CCDC141: variants seen among roughly 807,000 people sequenced by gnomAD.
The protein encoded by CCDC141 is coiled-coil domain-containing protein 141.
CCDC141 carries 168 observed loss-of-function variants against 181.0 expected under a neutral mutation model. The ratio of observed to expected loss-of-function variants is 0.93; its 90% CI spans 0.82 to 1.05. The LOEUF is 1.05. CCDC141 is among the 50% of genes least tolerant of loss of function. The pLI is 0.00. For synonymous variants in CCDC141, 666 were observed against 642.3 expected (o/e 1.04, Z -0.56); for missense variants, 1,902 against 1,788.5 (o/e 1.06, Z -1.14).
intron 21 of CCDC141, among the ~76,000 whole-genome samples, chr2:178,848,714 G>A (rs903169504): frequency 6.6e-6 from 1 of 152,146 alleles, no homozygotes; most frequent in African/African-American, 2.4e-5. Flanking sequence ...AAGAGTCGGA[G>A]GAAGCACTGA....
intron 22 of CCDC141, among the ~76,000 whole-genome samples, chr2:178,844,097 T>A (rs1481557794): frequency 1.3e-5 from 2 of 152,236 alleles, no homozygotes; most frequent in Non-Finnish European, 2.9e-5. Context: ...AAAAACTACT[T>A]TTACTAAGTA....
chr2:179,042,862 G>T (rs1320329225), intron 2 of CCDC141, among the ~76,000 whole-genome samples: 1 of 151,978 alleles, frequency 6.6e-6, no homozygotes, highest in Non-Finnish European at 1.5e-5. Flanking sequence ...AAATAACCAA[G>T]ATCAGAGCTG....
intron 22 of CCDC141, among the ~76,000 whole-genome samples, chr2:178,841,023 A>T (rs1231460557): frequency 2.0e-5 from 3 of 152,134 alleles, no homozygotes; most frequent in Non-Finnish European, 2.9e-5. Context: ...GACTTATATG[A>T]TATGTTTTTA....
chr2:179,042,471 C>T (rs2043338291), intron 2 of CCDC141, among the ~76,000 whole-genome samples: 1 of 152,128 alleles, frequency 6.6e-6, no homozygotes, highest in Non-Finnish European at 1.5e-5. Flanking sequence ...CCTCAGCTTC[C>T]CAAGTAGCTG....
At chr2:178,906,281 G>C (rs1225617891) in intron 7 of CCDC141, among the ~76,000 whole-genome samples, 1 of 152,178 alleles carries the variant, frequency 6.6e-6, no homozygotes, top group Non-Finnish European at 1.5e-5. Flanking sequence ...ATAAAATAGA[G>C]AGGAGTTAGC....
intron 2 of CCDC141, among the ~76,000 whole-genome samples, chr2:179,037,933 C>A (rs894593336): frequency 3.3e-5 from 5 of 152,236 alleles, no homozygotes; most frequent in South Asian, 2.1e-4. Context: ...GCAGTTGCTG[C>A]GGAAAATATT....
intron 1 of CCDC141, 143 bp downstream of exon 1, chr2:179,049,697 C>T: frequency 1.3e-6 from 1 of 744,172 alleles, no homozygotes; most frequent in Non-Finnish European, 2.1e-6. Context: ...CTCTTAGTAG[C>T]CCATTTTAGA....
chr2:178,917,549 G>T (rs1023210303), intron 7 of CCDC141, among the ~76,000 whole-genome samples: 1 of 152,034 alleles, frequency 6.6e-6, no homozygotes, highest in African/African-American at 2.4e-5. Flanking sequence ...TAGGTTCCAG[G>T]GTTTCCTCAT....
intron 8 of CCDC141, among the ~76,000 whole-genome samples, chr2:178,893,825 A>ACACACG (rs1553479624): frequency 5.8e-5 from 6 of 104,236 alleles, no homozygotes; most frequent in Admixed American, 1.0e-4. Context: ...ACACACACGC[A>ACACACG]CACACACACA....
At chr2:178,885,266 T>TC (rs2154370565) in intron 10 of CCDC141, among the ~76,000 whole-genome samples, 174 bp from the exon 11 acceptor site, 1 of 151,352 alleles carries the variant, frequency 6.6e-6, no homozygotes, top group Admixed American at 6.6e-5. Flanking sequence ...AAAGGGCACT[T>TC]TAGAATGAAA....
chr2:178,944,528 C>A lies in CCDC141; in HGVS notation c.897+7G>T, dbSNP rs1369429976. On this transcript the variant is annotated splice_region_variant and intron_variant, in intron 6 of 23. Transcript: ENST00000443758. ...ATTATTTTTAGTGTGTCTAATATAT[C>A]TCTTACCTTTGCTTTTATTATCAGT... 7.2e-7 allele frequency: 1 copy of A among 1,383,418 alleles called. No individual in the cohort carries two copies. Among genetic ancestry groups the A allele is most frequent in the East Asian group, 2.5e-5 (1 of 39,308 alleles). The allele number at this position is 1,383,418 out of a possible 1,614,324, so 85.7% of individuals were successfully genotyped here. A position where few individuals can be genotyped will look rare whatever the true frequency, so the allele number is the denominator to read the frequency against.
chr2:178,843,255 G>A (rs1386054427), intron 22 of CCDC141, among the ~76,000 whole-genome samples: 6 of 152,148 alleles, frequency 3.9e-5, no homozygotes, highest in Admixed American at 3.9e-4. Context: ...ACTACTTTCT[G>A]TAATTTTTGG....
Position 178,855,371 on chromosome 2 carries a change from C to G in CCDC141, c.3036G>C (p.Glu1012Asp). 1 of 1,611,108 alleles carries G rather than the reference C, an allele frequency of 6.2e-7. No individual in the cohort carries two copies. The highest frequency in any genetic ancestry group is 8.5e-7 in the Non-Finnish European group (1 of 1,179,118). ...TDYKKNLDLTEHFQEVIEECH... is the reference protein window; with the variant it reads ...TDYKKNLDLTDHFQEVIEECH... Reference sequence around the variant, plus strand: ...CCTCTTCTATCACCTCCTGGAAATGCTCAGTCAGGTCCAAATTCTTCTTGT... The same window carrying G: ...CCTCTTCTATCACCTCCTGGAAATGGTCAGTCAGGTCCAAATTCTTCTTGT... The change falls in exon 19 of 24, where the codon GAG (glutamate) becomes GAC (aspartate). Residue 1012 changes from glutamate to aspartate, a missense_variant. By Grantham distance (45) the Glu-to-Asp change is conservative (BLOSUM62 2). Transcript: ENST00000443758.
At chr2:178,987,475 C>A (rs112218715) in intron 2 of CCDC141, among the ~76,000 whole-genome samples, 2 of 152,114 alleles carry the variant, frequency 1.3e-5, no homozygotes, top group South Asian at 2.1e-4. Context: ...AATGGGAACT[C>A]ATTAAACTAA....
At chr2:178,934,822 T>C (rs1689224118) in intron 6 of CCDC141, among the ~76,000 whole-genome samples, 1 of 152,230 alleles carries the variant, frequency 6.6e-6, no homozygotes, top group Non-Finnish European at 1.5e-5. Context: ...ACATTATTTA[T>C]AGGAGCTTCA....
intron 10 of CCDC141, 39 bp downstream of exon 10, chr2:178,886,713 C>A: frequency 7.9e-7 from 1 of 1,269,616 alleles, no homozygotes; most frequent in East Asian, 2.7e-5. Flanking sequence ...ATTATCTTTA[C>A]AAAATTATAG....
intron 12 of CCDC141, chr2:178,877,094 A>G (rs1014371414): frequency 6.6e-6 from 1 of 152,176 alleles, no homozygotes; most frequent in Non-Finnish European, 1.5e-5. Context: ...CATTTAATGA[A>G]TGATCTTGAC....
chr2:178,986,068 A>G (rs1277438362), intron 2 of CCDC141, among the ~76,000 whole-genome samples: 3 of 152,210 alleles, frequency 2.0e-5, no homozygotes, highest in Non-Finnish European at 4.4e-5. Flanking sequence ...AAAATCCTCA[A>G]TAAAATACTG....
intron 2 of CCDC141, among the ~76,000 whole-genome samples, chr2:179,039,241 C>G (rs1052105441): frequency 6.6e-6 from 1 of 152,124 alleles, no homozygotes. Context: ...AGATCTCTAG[C>G]GTACAGATAT....
Sources: allele counts gnomAD v4.1 joint callset (sites outside exome capture counted in the v4.1 genomes callset), GRCh38; gene constraint gnomAD v4.1.1; transcripts MANE v1.5; gene names NCBI Gene and HGNC (gene_info 2026-07-23, HGNC 2026-07-21).